Variants in NAALADL2 observed in about 807,000 individuals in gnomAD.
The protein encoded by NAALADL2 is inactive N-acetylated-alpha-linked acidic dipeptidase-like protein 2.
NAALADL2 carries 76 observed loss-of-function variants against 87.2 expected under a neutral mutation model. The ratio of observed to expected loss-of-function variants is 0.87; its 90% CI spans 0.72 to 1.05. The LOEUF (loss-of-function observed/expected upper bound fraction) is 1.05. NAALADL2 is among the 50% of genes least tolerant of loss of function. The pLI is 0.00. For missense variants in NAALADL2, 1,089 were observed against 945.8 expected, an observed-to-expected ratio of 1.15 and a Z score of -1.99; for synonymous variants, 354 against 331.0, an observed-to-expected ratio of 1.07 and a Z score of -0.75.
rs553348397 is a variant in NAALADL2 at position 175,119,772 on chromosome 3, G to GAT, written c.545+22491_545+22492dup. Among the ~76,000 whole-genome samples the GAT allele has an allele frequency of 3.9e-3, 548 of 138,762 alleles. 4 individuals carry two copies. Among genetic ancestry groups the GAT allele is most frequent in the African/African-American group, 0.013 (500 of 37,708 alleles). The allele number at this position is 138,762 out of a possible 152,430, so 91.0% of individuals were successfully genotyped here. A position where few individuals can be genotyped will look rare whatever the true frequency, so the allele number is the denominator to read the frequency against. On this transcript the variant is annotated intron_variant, in intron 2 of 13. Transcript: ENST00000454872. ...ATATCTATATATAAAACTATATATA[G>GAT]ATATATATATAAAAGTATATATATA...
At chr3:175,784,954 G>T (rs200264674) in intron 13 of NAALADL2, among the ~76,000 whole-genome samples, 4 of 143,888 alleles carry the variant, frequency 2.8e-5, no homozygotes, top group Non-Finnish European at 5.9e-5. Flanking sequence ...CCTTCATTGC[G>T]TTATGTACCC....
intron 9 of NAALADL2, among the ~76,000 whole-genome samples, chr3:175,473,326 C>G (rs1303227203): frequency 6.6e-6 from 1 of 151,970 alleles, no homozygotes; most frequent in East Asian, 1.9e-4. Context: ...GGAATCTTTT[C>G]TGTTCTATAA....
intron 1 of NAALADL2, among the ~76,000 whole-genome samples, chr3:174,481,825 G>A (rs1717572142): frequency 6.6e-6 from 1 of 152,044 alleles, no homozygotes. Flanking sequence ...GAGGTGAAAT[G>A]TTATCTACCA....
chr3:175,088,482 A>G (rs1352180355), intron 1 of NAALADL2, among the ~76,000 whole-genome samples: 1 of 152,230 alleles, frequency 6.6e-6, no homozygotes, highest in Non-Finnish European at 1.5e-5. Flanking sequence ...CAGATGCTAG[A>G]TGTACTGAAT....
chr3:174,553,414 A>AT (rs1331171897), intron 2 of NAALADL2, among the ~76,000 whole-genome samples: 1 of 152,190 alleles, frequency 6.6e-6, no homozygotes, highest in East Asian at 1.9e-4. Context: ...GCAAAACTGC[A>AT]TTTTTGTTCT....
chr3:175,237,450 G>T (rs1010553898), intron 3 of NAALADL2, among the ~76,000 whole-genome samples: 19 of 152,202 alleles, frequency 1.2e-4, no homozygotes, highest in African/African-American at 4.3e-4. Context: ...AACTAGAAAT[G>T]TGAATTCGCA....
intron 3 of NAALADL2, among the ~76,000 whole-genome samples, chr3:174,842,554 A>C (rs1397038566): frequency 6.6e-6 from 1 of 152,200 alleles, no homozygotes; most frequent in Non-Finnish European, 1.5e-5. Context: ...GAATCTCATA[A>C]AAGTATACAT....
intron 2 of NAALADL2, among the ~76,000 whole-genome samples, chr3:175,182,143 A>C (rs755211259): frequency 1.3e-5 from 2 of 151,942 alleles, no homozygotes; most frequent in Non-Finnish European, 2.9e-5. Flanking sequence ...TTCCCTGATG[A>C]TTAGTGATAT....
chr3:174,907,706 A>T (rs78618866), intron 1 of NAALADL2, among the ~76,000 whole-genome samples: 2,121 of 152,188 alleles, frequency 0.014, 55 homozygotes, highest in African/African-American at 0.048. Context: ...AAAGCAAAAC[A>T]TTGGTGGTGT....
Position 175,436,601 on chromosome 3 carries a change from G to C in NAALADL2, c.1091-10628G>C, listed in dbSNP as rs1367696644. On this transcript the variant is annotated intron_variant, in intron 5 of 13. Coordinates refer to ENST00000454872, the MANE Select transcript of NAALADL2 (RefSeq NM_207015.3). Reference sequence around the variant, plus strand: ...TTGATTTGCATTTCTCTGATGGCCAGTGATGATGAGCATTTTTTCATGTGT... The same window carrying C: ...TTGATTTGCATTTCTCTGATGGCCACTGATGATGAGCATTTTTTCATGTGT... Among the ~76,000 whole-genome samples, 11 of 145,974 alleles carry C rather than the reference G, an allele frequency of 7.5e-5. No homozygotes were observed. The East Asian group carries it at 1.5e-3, about 20-fold the overall frequency.
At chr3:175,195,514 A>C (rs1213973138) in intron 2 of NAALADL2, among the ~76,000 whole-genome samples, 1 of 151,908 alleles carries the variant, frequency 6.6e-6, no homozygotes, top group African/African-American at 2.4e-5. Context: ...AAGGGAGGGC[A>C]TGAGCCATGG....
At chr3:174,991,946 A>G (rs1413136064) in intron 1 of NAALADL2, among the ~76,000 whole-genome samples, 1 of 152,080 alleles carries the variant, frequency 6.6e-6, no homozygotes, top group Non-Finnish European at 1.5e-5. Context: ...GTCAAAAGCA[A>G]TTAATATTAA....
chr3:175,012,154 G>A (rs1749908887), intron 1 of NAALADL2, among the ~76,000 whole-genome samples: 3 of 152,008 alleles, frequency 2.0e-5, no homozygotes, highest in African/African-American at 4.8e-5. Flanking sequence ...TTGAGGCATT[G>A]TGAATTATTT....
intron 3 of NAALADL2, among the ~76,000 whole-genome samples, chr3:175,246,773 C>T (rs1008963082): frequency 6.6e-6 from 1 of 152,052 alleles, no homozygotes; most frequent in Admixed American, 6.6e-5. Flanking sequence ...TTTCCAAAAT[C>T]TTGTACTCCT....
intron 5 of NAALADL2, among the ~76,000 whole-genome samples, chr3:175,333,551 G>A (rs550098141): frequency 6.6e-6 from 1 of 152,290 alleles, no homozygotes; most frequent in South Asian, 2.1e-4. Context: ...AATATGTCAT[G>A]TGAAATAAAC....
rs1217439518 is a variant in NAALADL2 at position 174,989,961 on chromosome 3, T to C, written c.44-106829T>C. ...GTTTTAATATAATAAATTTATTTGC[T>C]GCTTCACTTGGTCTTCATAAGTAGC... On this transcript the variant is annotated intron_variant, in intron 1 of 13. Coordinates refer to ENST00000454872, the MANE Select transcript of NAALADL2 (RefSeq NM_207015.3). Among the ~76,000 whole-genome samples, 3 of 152,176 alleles carry C rather than the reference T, an allele frequency of 2.0e-5. No homozygotes were observed. In the South Asian group the frequency reaches 6.2e-4, roughly 31 times the overall value.
intron 11 of NAALADL2, among the ~76,000 whole-genome samples, chr3:175,696,257 A>G (rs1370135925): frequency 6.6e-6 from 1 of 152,186 alleles, no homozygotes; most frequent in African/African-American, 2.4e-5. Flanking sequence ...TGAGCCAGAC[A>G]TAGGCCTTCC....
At chr3:174,452,919 C>G (rs1715581276) in intron 1 of NAALADL2, among the ~76,000 whole-genome samples, 1 of 152,110 alleles carries the variant, frequency 6.6e-6, no homozygotes, top group Non-Finnish European at 1.5e-5. Context: ...AGCAAGCGTT[C>G]TGAACTGGGA....
intron 2 of NAALADL2, among the ~76,000 whole-genome samples, chr3:175,104,774 A>C (rs923455213): frequency 4.6e-5 from 7 of 152,180 alleles, no homozygotes; most frequent in African/African-American, 1.7e-4. Flanking sequence ...GTAATTAGCT[A>C]TCCTATCGTT....
Sources: gnomAD v4.1 joint callset for allele counts (sites outside exome capture counted in the v4.1 genomes callset) on GRCh38, gnomAD v4.1.1 for gene constraint, MANE v1.5 for transcripts, NCBI Gene and HGNC (gene_info 2026-07-23, HGNC 2026-07-21) for gene names.